The following ZNF652 variants were observed in gnomAD, a reference collection of about 807,000 sequenced individuals.
The protein encoded by ZNF652 is zinc finger protein 652.
A neutral mutation model predicts 45.2 loss-of-function variants in ZNF652; 16 were observed. The observed-to-expected ratio is 0.35, with a 90% confidence interval of 0.24 to 0.54. The LOEUF is 0.54. Ranked by LOEUF, ZNF652 falls within the 20% of genes least tolerant of loss-of-function variation. The probability of loss-of-function intolerance (pLI) is 0.91; values close to 1 mark genes in which losing one functional copy is unlikely to be tolerated. For missense variants in ZNF652, 614 were observed against 765.6 expected (o/e 0.80, Z 2.34); for synonymous variants, 250 against 260.6 (o/e 0.96, Z 0.39).
chr17:49,322,075 A>T (rs1442306922), intron 1 of ZNF652, among the ~76,000 whole-genome samples: 1 of 152,212 alleles, frequency 6.6e-6, no homozygotes, highest in Non-Finnish European at 1.5e-5. Context: ...TCTTGAGGCA[A>T]GGTTCAAATC....
intron 1 of ZNF652, among the ~76,000 whole-genome samples, chr17:49,334,944 G>A (rs74813476): frequency 6.6e-6 from 1 of 151,996 alleles, no homozygotes; most frequent in Non-Finnish European, 1.5e-5. Context: ...AAAGTAAATC[G>A]TCATTAACAG....
chr17:49,347,735 G>GGTTTTTTTTTTTTTTTTTTTTTT (rs1481178311), intron 1 of ZNF652, among the ~76,000 whole-genome samples: 1 of 124,410 alleles, frequency 8.0e-6, no homozygotes. Flanking sequence ...TTGAACCTTG[G>GGTTTTTTTTTTTTTTTTTTTTTT]TTTTGTTTTT....
At chr17:49,346,629 A>G (rs116819750) in intron 1 of ZNF652, among the ~76,000 whole-genome samples, 3,934 of 152,356 alleles carry the variant, frequency 0.026, 160 homozygotes, top group African/African-American at 0.086. Flanking sequence ...CTTTAGCTTC[A>G]AACTTATTTT....
intron 1 of ZNF652, among the ~76,000 whole-genome samples, chr17:49,361,554 G>C (rs890518938): frequency 1.9e-4 from 29 of 152,304 alleles, no homozygotes; most frequent in Non-Finnish European, 1.5e-5. Context: ...ACGCTCGCAG[G>C]AGGACCGGTG....
chr17:49,298,538 G>A lies in ZNF652; in HGVS notation c.1696C>T (p.Pro566Ser), dbSNP rs1375947582. The change falls in exon 6 of 6, where the codon CCA becomes TCA. Residue 566 changes from proline (P) to serine (S), a missense_variant. By Grantham distance (74) the Pro-to-Ser change is moderately conservative. This residue lies in a region of ZNF652 where 132 missense variants were observed against 137.2 expected (regional missense o/e 0.96). Transcript: ENST00000430262. Reference sequence around the variant, plus strand: ...GGAGGTGGCGGGAGGTGAGGGACTGGAGGGATGGGAAGGTGGTGTGGGTGG... The same window carrying A: ...GGAGGTGGCGGGAGGTGAGGGACTGAAGGGATGGGAAGGTGGTGTGGGTGG... Reference protein sequence around the residue: ...PHHPHHLPIPPVPHLPPPPAL... With the variant: ...PHHPHHLPIPSVPHLPPPPAL... 6 of 1,612,414 alleles carry A rather than the reference G, an allele frequency of 3.7e-6. No individual in the cohort carries two copies. Among genetic ancestry groups the A allele is most frequent in the Non-Finnish European group, 3.4e-6 (4 of 1,179,460 alleles).
chr17:49,330,978 G>A (rs1358007074), intron 1 of ZNF652, among the ~76,000 whole-genome samples: 3 of 151,380 alleles, frequency 2.0e-5, no homozygotes, highest in African/African-American at 4.8e-5. Flanking sequence ...TCCAGAGGCT[G>A]AGACAGGAGA....
intron 1 of ZNF652, among the ~76,000 whole-genome samples, chr17:49,357,360 G>A (rs1338265906): frequency 6.6e-6 from 1 of 151,464 alleles, no homozygotes; most frequent in Non-Finnish European, 1.5e-5. Flanking sequence ...TAAAAAACAA[G>A]AGAAGGAACT....
intron 1 of ZNF652, among the ~76,000 whole-genome samples, chr17:49,322,667 C>T (rs2069908401): frequency 6.6e-6 from 1 of 152,100 alleles, no homozygotes; most frequent in Admixed American, 6.6e-5. Flanking sequence ...AGGCAGATCA[C>T]GAGGTCAGGA....
In ZNF652 at chr17:49,298,665, G is replaced by A; in HGVS notation, c.1569C>T (p.Ala523=). The A allele has an allele frequency of 6.2e-7, 1 of 1,613,984 alleles. No individual in the cohort carries two copies. Among genetic ancestry groups the A allele is most frequent in the Non-Finnish European group, 8.5e-7 (1 of 1,180,010 alleles). ...ATPVPSVVNT[A]TTPTPPINMN... ...TATTGATTGGAGGGGTTGGGGTTGTGGCTGTGTTCACCACAGAAGGAACTG... is the reference window on the plus strand; with the variant it reads ...TATTGATTGGAGGGGTTGGGGTTGTAGCTGTGTTCACCACAGAAGGAACTG... Residue 523 remains alanine (A), a synonymous_variant, in exon 6 of 6, where the codon GCC becomes GCT. Coordinates refer to ENST00000430262, the MANE Select transcript of ZNF652 (RefSeq NM_001145365.3).
At position 49,359,839 on chromosome 17, in the gene ZNF652, C is replaced by A. The variant is rs139986667; in HGVS notation, c.-259+2070G>T. Among the ~76,000 whole-genome samples the A allele has an allele frequency of 1.3e-3, 202 of 152,100 alleles. 1 individual carries two copies. The highest frequency in any genetic ancestry group is 4.7e-3 in the African/African-American group (197 of 41,488). Reference sequence around the variant, plus strand: ...TTTGATGGCACCATCCCCATTAAGACATGAAATCACAGTTAACAAAGTTGA... The same window carrying A: ...TTTGATGGCACCATCCCCATTAAGAAATGAAATCACAGTTAACAAAGTTGA... On this transcript the variant is annotated intron_variant, in intron 1 of 5. Transcript: ENST00000430262.
intron 5 of ZNF652, among the ~76,000 whole-genome samples, chr17:49,309,329 T>TAA (rs11307814): frequency 0.023 from 1,514 of 66,336 alleles, 101 homozygotes; most frequent in East Asian, 0.13. Context: ...CTGTCTCTAC[T>TAA]AAAAAAAAAA....
chr17:49,361,855 C>CG, intron 1 of ZNF652, 54 bp downstream of exon 1: 1 of 150,958 alleles, frequency 6.6e-6, no homozygotes, highest in Non-Finnish European at 1.5e-5. Context: ...GAAGGGCTGC[C>CG]GGGGGCGCCG....
chr17:49,324,323 G>A (rs564117251), intron 1 of ZNF652, among the ~76,000 whole-genome samples: 55 of 152,320 alleles, frequency 3.6e-4, no homozygotes, highest in Non-Finnish European at 6.3e-4. Flanking sequence ...GGAATGTTGT[G>A]TTTGGCTTGA....
intron 1 of ZNF652, among the ~76,000 whole-genome samples, chr17:49,348,917 TTC>T (rs1160366917): frequency 6.6e-6 from 1 of 152,232 alleles, no homozygotes; most frequent in Non-Finnish European, 1.5e-5. Context: ...TGAGGATTTT[TTC>T]TTTTTTTCTA....
chr17:49,336,394 A>G (rs908780666), intron 1 of ZNF652, among the ~76,000 whole-genome samples: 18 of 137,916 alleles, frequency 1.3e-4, no homozygotes, highest in Non-Finnish European at 2.0e-4. Context: ...CAATGGCATG[A>G]TCTCAGCTCA....
At chr17:49,359,057 T>TACCTAGTTAACTAACCTAGTTAA (rs2070366754) in intron 1 of ZNF652, among the ~76,000 whole-genome samples, 3 of 152,192 alleles carry the variant, frequency 2.0e-5, no homozygotes, top group African/African-American at 7.2e-5. Flanking sequence ...GGTGTTTAAC[T>TACCTAGTTAACTAACCTAGTTAA]AGGTAAGTGA....
At chr17:49,338,634 G>C (rs2070110642) in intron 1 of ZNF652, among the ~76,000 whole-genome samples, 1 of 152,142 alleles carries the variant, frequency 6.6e-6, no homozygotes, top group Non-Finnish European at 1.5e-5. Flanking sequence ...ATGCAAATTA[G>C]ACAATTAAGT....
chr17:49,349,163 C>T (rs1015660284), intron 1 of ZNF652, among the ~76,000 whole-genome samples: 1 of 152,200 alleles, frequency 6.6e-6, no homozygotes, highest in Non-Finnish European at 1.5e-5. Context: ...GGTGCAGTGG[C>T]TCACGCCTGT....
chr17:49,308,499 G>A (rs761748607), intron 5 of ZNF652, among the ~76,000 whole-genome samples: 1 of 152,046 alleles, frequency 6.6e-6, no homozygotes, highest in African/African-American at 2.4e-5. Flanking sequence ...CACTTTTAAT[G>A]AGAAAGATAA....
Sources: gnomAD v4.1 joint callset for allele counts (sites outside exome capture counted in the v4.1 genomes callset) on GRCh38, gnomAD v4.1.1 for gene constraint, gnomAD v4.1.1 regional missense constraint, MANE v1.5 for transcripts, NCBI Gene and HGNC (gene_info 2026-07-23, HGNC 2026-07-21) for gene names.